Variants in IL1RAPL2 observed in about 807,000 individuals in gnomAD.
IL1RAPL2 encodes the protein interleukin 1 receptor accessory protein like 2.
IL1RAPL2 carries 3 observed loss-of-function variants against 44.1 expected under a neutral mutation model. The ratio of observed to expected loss-of-function variants is 0.07; its 90% CI spans 0.03 to 0.18. The LOEUF (loss-of-function observed/expected upper bound fraction) is 0.18. Ranked by LOEUF, IL1RAPL2 falls within the 10% of genes least tolerant of loss-of-function variation. The pLI is 1.00. For synonymous variants in IL1RAPL2, 181 were observed against 178.8 expected (o/e 1.01, Z -0.10); for missense variants, 391 against 496.4 (o/e 0.79, Z 2.02).
intron 5 of IL1RAPL2, among the ~76,000 whole-genome samples, chrX:105,375,930 A>G (rs1009305429): frequency 8.9e-6 from 1 of 112,000 alleles, no homozygotes; most frequent in African/African-American, 3.2e-5. Flanking sequence ...CTTTCCTCAC[A>G]ATATCTAGTA....
At chrX:105,162,119 C>A (rs1376190121) in intron 2 of IL1RAPL2, among the ~76,000 whole-genome samples, 1 of 112,149 alleles carries the variant, frequency 8.9e-6, no homozygotes, top group Non-Finnish European at 1.9e-5. Context: ...GCTACAATGG[C>A]AAGAGCACTT....
intron 5 of IL1RAPL2, among the ~76,000 whole-genome samples, chrX:105,433,775 A>G: frequency 9.0e-6 from 1 of 111,222 alleles, no homozygotes; most frequent in Non-Finnish European, 1.9e-5. Context: ...GTTCATACTC[A>G]CCTTCTACCT....
At chrX:105,295,584 A>C (rs2147671507) in intron 5 of IL1RAPL2, among the ~76,000 whole-genome samples, 1 of 111,916 alleles carries the variant, frequency 8.9e-6, no homozygotes, top group Non-Finnish European at 1.9e-5. Context: ...ATTTGCAAAT[A>C]GTGTTTTTTA....
chrX:104,761,898 TCC>T (rs1472594709), intron 2 of IL1RAPL2, among the ~76,000 whole-genome samples: 5 of 53,768 alleles, frequency 9.3e-5, no homozygotes, highest in African/African-American at 2.3e-4. Context: ...CTTCTCCTTC[TCC>T]TTCTCCTTCT....
chrX:105,515,744 G>A (rs1294350728), intron 6 of IL1RAPL2, among the ~76,000 whole-genome samples: 1 of 111,899 alleles, frequency 8.9e-6, no homozygotes, highest in Non-Finnish European at 1.9e-5. Context: ...AGATAGGGGT[G>A]TGGTGGGAAA....
intron 1 of IL1RAPL2, among the ~76,000 whole-genome samples, chrX:104,605,594 A>G (rs901084145): frequency 8.9e-6 from 1 of 111,928 alleles, no homozygotes; most frequent in African/African-American, 3.2e-5. Flanking sequence ...AGAAGAAAAG[A>G]GAGAAGAATC....
At chrX:105,079,304 C>A (rs2032365993) in intron 2 of IL1RAPL2, among the ~76,000 whole-genome samples, 1 of 110,388 alleles carries the variant, frequency 9.1e-6, no homozygotes, top group South Asian at 3.9e-4. Context: ...TTTGACCTAG[C>A]AATCCTATTA....
At chrX:105,585,403 T>C (rs1450111118) in intron 6 of IL1RAPL2, among the ~76,000 whole-genome samples, 1 of 110,232 alleles carries the variant, frequency 9.1e-6, no homozygotes, top group South Asian at 3.9e-4. Context: ...GTGCAGGATG[T>C]GCAGGTTTGT....
chrX:105,724,553 C>T (rs2038334795), intron 7 of IL1RAPL2, among the ~76,000 whole-genome samples: 1 of 111,281 alleles, frequency 9.0e-6, no homozygotes, highest in East Asian at 2.9e-4. Context: ...GAAATCTGAA[C>T]CCAAATGTGG....
chrX:104,834,762 T>C (rs1921697343), intron 2 of IL1RAPL2, among the ~76,000 whole-genome samples: 1 of 111,992 alleles, frequency 8.9e-6, no homozygotes. Context: ...ACCACGACTA[T>C]GTCACTGTGC....
At chrX:105,651,995 T>G (rs1272065559) in intron 6 of IL1RAPL2, among the ~76,000 whole-genome samples, 4 of 112,169 alleles carry the variant, frequency 3.6e-5, no homozygotes, top group African/African-American at 1.3e-4. Context: ...TATATGCCTT[T>G]AGAGCCACAT....
intron 2 of IL1RAPL2, among the ~76,000 whole-genome samples, chrX:105,180,007 A>G (rs2033514169): frequency 9.2e-6 from 1 of 108,220 alleles, no homozygotes; most frequent in Admixed American, 1.0e-4. Flanking sequence ...TGCTCTGGCT[A>G]GGACGTCCAG....
chrX:105,186,881 G>T (rs1335189269), intron 2 of IL1RAPL2, among the ~76,000 whole-genome samples: 1 of 111,680 alleles, frequency 9.0e-6, no homozygotes, highest in Non-Finnish European at 1.9e-5. Flanking sequence ...AATGATAAAA[G>T]ATTGTGTTGG....
chrX:104,594,262 A>C (rs182529357), intron 1 of IL1RAPL2, among the ~76,000 whole-genome samples: 1 of 112,627 alleles, frequency 8.9e-6, no homozygotes, highest in East Asian at 2.8e-4. Context: ...AATCAGAATT[A>C]TGGTTACATT....
At chrX:104,609,620 C>CT (rs1929103818) in intron 1 of IL1RAPL2, among the ~76,000 whole-genome samples, 1 of 111,359 alleles carries the variant, frequency 9.0e-6, no homozygotes, top group Non-Finnish European at 1.9e-5. Context: ...TACTGATATC[C>CT]TTTTTTCCGC....
chrX:105,030,884 G>A (rs1004396255), intron 2 of IL1RAPL2, among the ~76,000 whole-genome samples: 2 of 111,802 alleles, frequency 1.8e-5, no homozygotes, highest in African/African-American at 3.3e-5. Context: ...AGCGTGGAAT[G>A]TTCTTCCATT....
intron 2 of IL1RAPL2, among the ~76,000 whole-genome samples, chrX:104,686,643 G>A (rs769421093): frequency 4.6e-4 from 51 of 111,901 alleles, no homozygotes; most frequent in African/African-American, 8.8e-4. Context: ...CATAAAAAGC[G>A]TAGATTTGTC....
At chrX:105,402,251 C>A (rs1057262478) in intron 5 of IL1RAPL2, among the ~76,000 whole-genome samples, 1 of 111,302 alleles carries the variant, frequency 9.0e-6, no homozygotes, top group Non-Finnish European at 1.9e-5. Flanking sequence ...AAAAATTATA[C>A]CACCCTGCTA....
chrX:105,566,830 GGA>G (rs1458329850), intron 6 of IL1RAPL2, among the ~76,000 whole-genome samples: 1 of 110,897 alleles, frequency 9.0e-6, no homozygotes, highest in East Asian at 2.9e-4. Context: ...AAATCTTCAA[GGA>G]GAGATATGAC....
Sources: gnomAD v4.1 joint callset for allele counts (sites outside exome capture counted in the v4.1 genomes callset) on GRCh38, gnomAD v4.1.1 for gene constraint, MANE v1.5 for transcripts, NCBI Gene and HGNC (gene_info 2026-07-23, HGNC 2026-07-21) for gene names.